INTS9: variants seen among roughly 807,000 people sequenced by gnomAD.
INTS9 encodes integrator complex subunit 9.
Under a neutral mutation model 79.7 loss-of-function variants are expected in INTS9, and 55 were observed. The ratio of observed to expected loss-of-function variants is 0.69; its 90% CI spans 0.56 to 0.86. The LOEUF (loss-of-function observed/expected upper bound fraction) is 0.86, where lower values mean the gene tolerates loss of function less well. INTS9 is among the 40% of genes least tolerant of loss of function. INTS9 has a pLI of 0.00. For missense variants in INTS9, 721 were observed against 831.5 expected (o/e 0.87, Z 1.64); for synonymous variants, 319 against 325.2 (o/e 0.98, Z 0.20).
At chr8:28,852,945 G>A (rs1196682289) in intron 2 of INTS9, among the ~76,000 whole-genome samples, 1 of 152,216 alleles carries the variant, frequency 6.6e-6, no homozygotes, top group Non-Finnish European at 1.5e-5. Context: ...GCAAAGACAT[G>A]CTGACTATAG....
chr8:28,842,307 C>CA (rs1040118210), intron 4 of INTS9, among the ~76,000 whole-genome samples: 15 of 152,128 alleles, frequency 9.9e-5, no homozygotes, highest in Admixed American at 6.5e-4. Flanking sequence ...CAGGCACACT[C>CA]AGAGTGCTTA....
At chr8:28,843,368 A>G (rs540181252) in intron 4 of INTS9, among the ~76,000 whole-genome samples, 3 of 152,382 alleles carry the variant, frequency 2.0e-5, no homozygotes, top group African/African-American at 7.2e-5. Flanking sequence ...CTGCCAGAAT[A>G]GGACACTTTC....
intron 12 of INTS9, among the ~76,000 whole-genome samples, chr8:28,778,612 T>C (rs894023154): frequency 6.6e-6 from 1 of 152,232 alleles, no homozygotes; most frequent in Non-Finnish European, 1.5e-5. Flanking sequence ...CCTCGCCCTC[T>C]GCTCAGCCTG....
At chr8:28,845,192 G>A (rs755145439) in intron 4 of INTS9, among the ~76,000 whole-genome samples, 7 of 152,160 alleles carry the variant, frequency 4.6e-5, no homozygotes, top group African/African-American at 9.7e-5. Context: ...TACTGGTTGC[G>A]TACTGTACTG....
At chr8:28,843,630 A>G (rs1245983063) in intron 4 of INTS9, among the ~76,000 whole-genome samples, 2 of 152,230 alleles carry the variant, frequency 1.3e-5, no homozygotes, top group Non-Finnish European at 2.9e-5. Flanking sequence ...AATACAAGGT[A>G]AAAATGTATT....
intron 8 of INTS9, among the ~76,000 whole-genome samples, chr8:28,806,462 CAACT>C (rs1226468385): frequency 9.2e-5 from 14 of 152,130 alleles, no homozygotes; most frequent in Non-Finnish European, 1.8e-4. Context: ...GATAAATCAA[CAACT>C]AACACACCCT....
chr8:28,868,018 G>A (rs761282805), intron 1 of INTS9, among the ~76,000 whole-genome samples: 13 of 152,056 alleles, frequency 8.5e-5, no homozygotes, highest in Non-Finnish European at 1.6e-4. Flanking sequence ...AGTGAGCTCC[G>A]GAATCAGTAC....
At chr8:28,878,095 T>C (rs924655855) in intron 1 of INTS9, among the ~76,000 whole-genome samples, 13 of 152,244 alleles carry the variant, frequency 8.5e-5, no homozygotes, top group Admixed American at 5.2e-4. Flanking sequence ...TTATATGAAA[T>C]AATCTTAAAG....
At chr8:28,771,187 A>G (rs1369196963) in intron 14 of INTS9, 107 bp from the exon 15 acceptor site, 2 of 917,212 alleles carry the variant, frequency 2.2e-6, no homozygotes, top group East Asian at 2.6e-5. Flanking sequence ...AAATAACTTT[A>G]AAGGTAAACA....
At chr8:28,879,726 T>G (rs535885791) in intron 1 of INTS9, among the ~76,000 whole-genome samples, 1 of 152,090 alleles carries the variant, frequency 6.6e-6, no homozygotes, top group Non-Finnish European at 1.5e-5. Flanking sequence ...AAAATATTAT[T>G]CAGCAAGAAA....
chr8:28,813,407 G>C, intron 7 of INTS9, 85 bp downstream of exon 7: 1 of 1,372,846 alleles, frequency 7.3e-7, no homozygotes, highest in South Asian at 1.3e-5. Context: ...CTTTAAAAAC[G>C]TAACTATAGG....
intron 2 of INTS9, among the ~76,000 whole-genome samples, chr8:28,852,147 A>C (rs930902252): frequency 1.3e-5 from 2 of 152,160 alleles, no homozygotes; most frequent in Admixed American, 1.3e-4. Context: ...TGAGCCCAGG[A>C]GGTCAAGGCT....
intron 7 of INTS9, 41 bp downstream of exon 7, chr8:28,813,451 A>G: frequency 6.3e-7 from 1 of 1,578,998 alleles, no homozygotes; most frequent in Non-Finnish European, 8.7e-7. Context: ...ATATGAATGG[A>G]AAGCATTCAT....
chr8:28,809,482 T>G (rs1804989425), intron 8 of INTS9, among the ~76,000 whole-genome samples: 1 of 152,256 alleles, frequency 6.6e-6, no homozygotes, highest in Non-Finnish European at 1.5e-5. Context: ...CTAATTTTTT[T>G]CTTTTTTACA....
intron 8 of INTS9, chr8:28,810,246 T>C (rs1392445762): frequency 1.9e-5 from 3 of 156,140 alleles, no homozygotes; most frequent in African/African-American, 7.2e-5. Flanking sequence ...GGTGGCTATG[T>C]AGGCAGACCA....
intron 1 of INTS9, chr8:28,862,174 T>C (rs1808498083): frequency 4.1e-6 from 4 of 985,406 alleles, no homozygotes; most frequent in Non-Finnish European, 4.8e-6. Context: ...TTTCTTCCTC[T>C]GTCACCAAGC....
intron 15 of INTS9, among the ~76,000 whole-genome samples, chr8:28,770,754 C>T (rs1802480953): frequency 6.6e-6 from 1 of 152,260 alleles, no homozygotes; most frequent in South Asian, 2.1e-4. Flanking sequence ...CGTCTCCCCA[C>T]AGCCCTGCCT....
At chr8:28,880,164 A>G (rs980500401) in intron 1 of INTS9, among the ~76,000 whole-genome samples, 1 of 152,232 alleles carries the variant, frequency 6.6e-6, no homozygotes, top group Non-Finnish European at 1.5e-5. Flanking sequence ...GAAGACTTAT[A>G]AAGCTAGAAT....
chr8:28,888,321 G>A (rs1052780135), intron 1 of INTS9, among the ~76,000 whole-genome samples: 4 of 152,198 alleles, frequency 2.6e-5, no homozygotes, highest in Admixed American at 6.5e-5. Flanking sequence ...GAAGGTTGAG[G>A]TGGGCAGATA....
Sources: allele counts gnomAD v4.1 joint callset (sites outside exome capture counted in the v4.1 genomes callset), GRCh38; gene constraint gnomAD v4.1.1; transcripts MANE v1.5; gene names NCBI Gene and HGNC (gene_info 2026-07-23, HGNC 2026-07-21).